Variants in ADSL observed in about 807,000 individuals in gnomAD.
ADSL encodes the protein adenylosuccinate lyase.
A neutral mutation model predicts 62.1 loss-of-function variants in ADSL; 44 were observed. The observed-to-expected ratio is 0.71, with a 90% CI of 0.56 to 0.91. The LOEUF is 0.91. Among genes scored for constraint, ADSL ranks in the 40% least tolerant of loss-of-function variants. The probability of loss-of-function intolerance (pLI) is 0.00; values close to 1 mark genes in which losing one functional copy is unlikely to be tolerated. For synonymous variants in ADSL, 198 were observed against 220.5 expected, an observed-to-expected ratio of 0.90 and a Z score of 0.90; for missense variants, 531 against 627.4, an observed-to-expected ratio of 0.85 and a Z score of 1.64.
chr22:40,353,503 C>A, intron 3 of ADSL: 1 of 663,980 alleles, frequency 1.5e-6, no homozygotes, highest in Non-Finnish European at 2.8e-6. Context: ...AGGCTGGTCT[C>A]AAACTCCTGA....
rs2045022506 is a variant in ADSL, at chr22:40,366,855, G to A, written c.*333G>A. ...AAATTTCTGGTCCTGTCTTCTAAAA[G>A]TGAATTTGATCTAGGTCTAGCAAAA... On this transcript the variant is annotated 3_prime_UTR_variant, in exon 13 of 13. Coordinates refer to ENST00000623063, the MANE Select transcript of ADSL (RefSeq NM_000026.4). The A allele has an allele frequency of 3.0e-6, 1 of 334,278 alleles. No individual in the cohort carries two copies. Among genetic ancestry groups the A allele is most frequent in the South Asian group, 2.6e-5 (1 of 38,110 alleles). The allele number at this position is 334,278 out of a possible 1,614,324, so 20.7% of individuals were successfully genotyped here.
rs1016201351 is a variant in ADSL at position 40,356,053 on chromosome 22, T to A, written c.482+1726T>A. Among the ~76,000 whole-genome samples the A allele has an allele frequency of 5.2e-3, 740 of 141,008 alleles. 7 individuals are homozygous for A. Among genetic ancestry groups the A allele is most frequent in the African/African-American group, 0.018 (713 of 39,080 alleles). 92.5% of individuals were successfully genotyped at this position (141,008 alleles called of 152,430 possible). On this transcript the variant is annotated intron_variant, in intron 4 of 12. Coordinates refer to ENST00000623063, the MANE Select transcript of ADSL (RefSeq NM_000026.4). ...AATACAAAAAAAAAAAAAAAAAAAATTAGCCGGACGCAGTGGCGCATGCCT... is the reference window on the plus strand; with the variant it reads ...AATACAAAAAAAAAAAAAAAAAAAAATAGCCGGACGCAGTGGCGCATGCCT...
chr22:40,350,085 TG>T, intron 2 of ADSL, 50 bp downstream of exon 2: 1 of 1,563,236 alleles, frequency 6.4e-7, no homozygotes, highest in Non-Finnish European at 8.8e-7. Flanking sequence ...AGAATCTATT[TG>T]TCAATTTTAT....
chr22:40,361,711 A>G, intron 9 of ADSL, 76 bp downstream of exon 9: 1 of 1,563,592 alleles, frequency 6.4e-7, no homozygotes, highest in Middle Eastern at 1.7e-4. Context: ...AAAAGGACAT[A>G]TTTGAGCATC....
At chr22:40,385,795 T>C (rs1358394447) in intron 2 of ADSL, among the ~76,000 whole-genome samples, 1 of 152,094 alleles carries the variant, frequency 6.6e-6, no homozygotes, top group Non-Finnish European at 1.5e-5. Flanking sequence ...ATAAATAGCA[T>C]GTGGCTTGTT....
Position 40,364,322 on chromosome 22 carries a change from A to C in ADSL, c.1148A>C (p.Glu383Ala). 2 of 1,614,122 alleles carry C rather than the reference A, an allele frequency of 1.2e-6. No homozygotes were observed. The highest frequency in any genetic ancestry group is 1.7e-6 in the Non-Finnish European group (2 of 1,180,016). The change falls in exon 11 of 13, where the codon GAG becomes GCG. Residue 383 changes from glutamate (E) to alanine (A), a missense_variant. This residue lies in a region of ADSL where 471 missense variants were observed against 592.9 expected (regional missense o/e 0.79). Coordinates refer to ENST00000623063, the MANE Select transcript of ADSL (RefSeq NM_000026.4). ...CAAGAGCTGCCTTTCATGGCCACAG[A>C]GAACATCATCATGGCCATGGTCAAA... Reference protein sequence around the residue: ...IRQELPFMATENIIMAMVKAG... With the variant: ...IRQELPFMATANIIMAMVKAG...
intron 4 of ADSL, among the ~76,000 whole-genome samples, chr22:40,354,904 A>G (rs1333622196): frequency 1.3e-5 from 2 of 152,106 alleles, no homozygotes; most frequent in Non-Finnish European, 2.9e-5. Flanking sequence ...TAAATGTTCA[A>G]TAATAAGAGA....
rs994522314 is a variant in ADSL, at chr22:40,368,625, T to TA, written c.*2109dup. 2 of 152,124 alleles carry TA rather than the reference T, an allele frequency of 1.3e-5. No individual in the cohort carries two copies. The highest frequency in any genetic ancestry group is 4.8e-5 in the African/African-American group (2 of 41,424). 9.4% of individuals were successfully genotyped at this position (152,124 alleles called of 1,614,324 possible). A position where few individuals can be genotyped will look rare whatever the true frequency, so the allele number is the denominator to read the frequency against. On this transcript the variant is annotated 3_prime_UTR_variant, in exon 13 of 13. Coordinates refer to ENST00000623063, the MANE Select transcript of ADSL (RefSeq NM_000026.4). Reference sequence around the variant, plus strand: ...CAGAAAGAGTTACTCTGTTCATCTCTAAAAAATCTTGAAAAGGGCCGGGTG... The same window carrying TA: ...CAGAAAGAGTTACTCTGTTCATCTCTAAAAAAATCTTGAAAAGGGCCGGGTG...
intron 8 of ADSL, 69 bp downstream of exon 8, chr22:40,361,411 C>A: frequency 6.2e-7 from 1 of 1,612,540 alleles, no homozygotes; most frequent in Non-Finnish European, 8.5e-7. Flanking sequence ...GCTGAGAGCT[C>A]ATTCAGCATG....
intron 2 of ADSL, among the ~76,000 whole-genome samples, chr22:40,383,456 G>A (rs2047916472): frequency 1.4e-5 from 2 of 143,004 alleles, no homozygotes; most frequent in African/African-American, 2.6e-5. Flanking sequence ...GACAGAGCGA[G>A]ACTCTGTCTC....
Position 40,367,337 on chromosome 22 carries a change from A to T in ADSL, c.*815A>T, listed in dbSNP as rs1200877130. ...TTTTTAGACGGGATGGAGTTTTGCC[A>T]TGTTGGGCGGGCTGGTCTTGAACTC... On this transcript the variant is annotated 3_prime_UTR_variant, in exon 13 of 13. Transcript: ENST00000623063. 1 of 154,204 alleles carries T rather than the reference A, an allele frequency of 6.5e-6. No homozygotes were observed. The highest frequency in any genetic ancestry group is 1.5e-5 in the Non-Finnish European group (1 of 68,098). The allele number at this position is 154,204 out of a possible 1,614,324, so 9.6% of individuals were successfully genotyped here. A position where few individuals can be genotyped will look rare whatever the true frequency, so the allele number is the denominator to read the frequency against.
At chr22:40,354,131 G>A in intron 3 of ADSL, 117 bp from the exon 4 acceptor site, 4 of 940,754 alleles carry the variant, frequency 4.3e-6, no homozygotes, top group East Asian at 2.4e-5. Context: ...TATGGCTGCT[G>A]CCTTTCATGA....
Position 40,350,041 on chromosome 22 carries a change from C to T in ADSL, c.357+6C>T, listed in dbSNP as rs181628906. ...GCTATGTTGGAGACAATACTGTAGG[C>T]GCCTGTGTTGTTTATACTTAAAACT... On this transcript the variant is annotated splice_donor_region_variant and intron_variant, in intron 2 of 12. Transcript: ENST00000623063. 257 of 1,612,396 alleles carry T rather than the reference C, an allele frequency of 1.6e-4. 1 individual carries two copies. The highest frequency in any genetic ancestry group is 8.7e-4 in the South Asian group (79 of 91,044).
intron 1 of ADSL, chr22:40,348,531 C>T (rs1010500648): frequency 3.8e-5 from 15 of 398,526 alleles, no homozygotes; most frequent in African/African-American, 2.3e-4. Flanking sequence ...GAGGTGCACG[C>T]CACCACGCCC....
rs371711909 is a variant in ADSL at position 40,350,058 on chromosome 22, C to T, written c.357+23C>T. On this transcript the variant is annotated intron_variant, in intron 2 of 12. Coordinates refer to ENST00000623063, the MANE Select transcript of ADSL (RefSeq NM_000026.4). ...ACTGTAGGCGCCTGTGTTGTTTATACTTAAAACTCAGTCTCTAGAATCTAT... is the reference window on the plus strand; with the variant it reads ...ACTGTAGGCGCCTGTGTTGTTTATATTTAAAACTCAGTCTCTAGAATCTAT... 98 of 1,599,218 alleles carry T rather than the reference C, an allele frequency of 6.1e-5. 1 individual carries two copies. The highest frequency in any genetic ancestry group is 4.2e-4 in the East Asian group (19 of 44,784).
intron 2 of ADSL, 72 bp from the exon 3 acceptor site, chr22:40,353,001 C>CA (rs2044407467): frequency 7.1e-7 from 1 of 1,406,346 alleles, no homozygotes; most frequent in South Asian, 1.2e-5. Context: ...CCTTTCTGGC[C>CA]AAAAAGTGTT....
At chr22:40,364,177 T>G (rs1048908573) in intron 10 of ADSL, 99 bp from the exon 11 acceptor site, 4 of 864,812 alleles carry the variant, frequency 4.6e-6, no homozygotes, top group Admixed American at 2.0e-5. Context: ...AATGTGGTAG[T>G]TAGTGTCTGT....
chr22:40,385,275 G>A (rs2048233518), intron 2 of ADSL, among the ~76,000 whole-genome samples: 1 of 152,204 alleles, frequency 6.6e-6, no homozygotes, highest in Non-Finnish European at 1.5e-5. Context: ...TGAAGCATGG[G>A]CGCTTTTAAA....
chr22:40,353,621 C>CTTCTT lies in ADSL; in HGVS notation c.402+506_402+507insCTTTT, dbSNP rs1555905988. Among the ~76,000 whole-genome samples the CTTCTT allele has an allele frequency of 1.5e-4, 17 of 114,768 alleles. 1 individual carries two copies. The highest frequency in any genetic ancestry group is 1.2e-3 in the Admixed American group (11 of 9,286). The allele number at this position is 114,768 out of a possible 152,430, so 75.3% of individuals were successfully genotyped here. The stretch of plus-strand genomic sequence containing the variant: ...GACTAAATGGTTTTTAAAGCATAGC[C>CTTCTT]TTTTTTTTTTTTTTTTTTTTTTGAG... On this transcript the variant is annotated intron_variant, in intron 3 of 12. Coordinates refer to ENST00000623063, the MANE Select transcript of ADSL (RefSeq NM_000026.4).
Sources: allele counts gnomAD v4.1 joint callset (sites outside exome capture counted in the v4.1 genomes callset), GRCh38; gene constraint gnomAD v4.1.1; regional missense constraint gnomAD v4.1.1; transcripts MANE v1.5; gene names NCBI Gene and HGNC (gene_info 2026-07-23, HGNC 2026-07-21).